The following RECK variants were observed in gnomAD, a reference collection of about 807,000 sequenced individuals.
RECK encodes reversion inducing cysteine rich protein with kazal motifs.
In RECK, 69 loss-of-function variants were observed where a neutral mutation model predicts 115.1. The observed-to-expected ratio is 0.60, with a 90% CI of 0.49 to 0.73. The LOEUF is 0.73. RECK is among the 30% of genes least tolerant of loss of function. The pLI, the probability that RECK is intolerant of heterozygous loss-of-function variation, is 0.00. For synonymous variants in RECK, 414 were observed against 419.7 expected (o/e 0.99, Z 0.17); for missense variants, 1,047 against 1,203.7 (o/e 0.87, Z 1.93).
At chr9:36,056,034 A>G (rs955440683) in intron 2 of RECK, among the ~76,000 whole-genome samples, 2 of 151,528 alleles carry the variant, frequency 1.3e-5, no homozygotes, top group Non-Finnish European at 2.9e-5. Context: ...ATAATAGAAA[A>G]TTTTAAGTAT....
chr9:36,118,972 G>T lies in RECK; in HGVS notation c.2464+5G>T. 1 of 1,611,534 alleles carries T rather than the reference G, an allele frequency of 6.2e-7. No homozygotes were observed. The highest frequency in any genetic ancestry group is 8.5e-7 in the Non-Finnish European group (1 of 1,179,370). On this transcript the variant is annotated splice_donor_5th_base_variant and intron_variant, in intron 18 of 20. Transcript: ENST00000377966. ...GCAAACCCATCATCCCACCGGGTAG[G>T]CTGGCAGTATCGGGGTGGACAGGGG...
chr9:36,116,956 G>T, intron 16 of RECK, 29 bp from the exon 17 acceptor site: 1 of 1,579,102 alleles, frequency 6.3e-7, no homozygotes, highest in Non-Finnish European at 8.6e-7. Flanking sequence ...CCCTACATTG[G>T]CTCATGGTGC....
At chr9:36,083,274 A>G in intron 7 of RECK, 91 bp from the exon 8 acceptor site, 1 of 1,328,518 alleles carries the variant, frequency 7.5e-7, no homozygotes, top group South Asian at 1.3e-5. Flanking sequence ...TCTCAAATTT[A>G]GAAAGACATA....
At chr9:36,097,393 C>G (rs1242076710) in intron 10 of RECK, among the ~76,000 whole-genome samples, 1 of 150,224 alleles carries the variant, frequency 6.7e-6, no homozygotes, top group African/African-American at 2.4e-5. Context: ...CGAAGAAGGA[C>G]ATCACAATGG....
At chr9:36,093,882 T>C (rs1436062769) in intron 10 of RECK, among the ~76,000 whole-genome samples, 1 of 152,074 alleles carries the variant, frequency 6.6e-6, no homozygotes, top group African/African-American at 2.4e-5. Flanking sequence ...TTACATATGA[T>C]GGAATAACAA....
intron 6 of RECK, among the ~76,000 whole-genome samples, chr9:36,080,030 C>T (rs1822621275): frequency 6.6e-6 from 1 of 152,076 alleles, no homozygotes; most frequent in African/African-American, 2.4e-5. Flanking sequence ...ATGATAGATT[C>T]CCAAACTCTG....
chr9:36,108,529 C>T (rs1216343539), intron 14 of RECK, among the ~76,000 whole-genome samples: 2 of 152,150 alleles, frequency 1.3e-5, no homozygotes, highest in Non-Finnish European at 2.9e-5. Flanking sequence ...AGAGTTCACC[C>T]AGCTAGTAAA....
intron 6 of RECK, among the ~76,000 whole-genome samples, chr9:36,072,107 GC>G (rs1279445458): frequency 3.9e-5 from 6 of 152,020 alleles, no homozygotes; most frequent in Non-Finnish European, 7.4e-5. Flanking sequence ...CCTTTGTTCT[GC>G]CCCTGGATGC....
intron 16 of RECK, 132 bp from the exon 17 acceptor site, chr9:36,116,853 T>TCCCA: frequency 1.5e-6 from 1 of 650,290 alleles, no homozygotes; most frequent in Non-Finnish European, 2.6e-6. Flanking sequence ...CTACATAAGC[T>TCCCA]CTTTGGAGAC....
intron 18 of RECK, among the ~76,000 whole-genome samples, chr9:36,120,234 C>CA (rs5897627): frequency 1.1e-3 from 152 of 139,772 alleles, no homozygotes; most frequent in Middle Eastern, 3.7e-3. Context: ...GACTCTGTCT[C>CA]AAAAAAAAAA....
At chr9:36,097,408 T>G (rs192244274) in intron 10 of RECK, among the ~76,000 whole-genome samples, 1 of 152,114 alleles carries the variant, frequency 6.6e-6, no homozygotes, top group Non-Finnish European at 1.5e-5. Context: ...CAATGGCCAT[T>G]TAATCAAGTA....
intron 6 of RECK, among the ~76,000 whole-genome samples, chr9:36,075,158 C>G (rs1448908215): frequency 6.6e-6 from 1 of 152,182 alleles, no homozygotes; most frequent in Non-Finnish European, 1.5e-5. Context: ...GTCCACTAGG[C>G]CAAAGCAAGG....
chr9:36,057,172 T>C (rs1486670320), intron 2 of RECK, among the ~76,000 whole-genome samples: 2 of 151,992 alleles, frequency 1.3e-5, no homozygotes, highest in Admixed American at 1.3e-4. Flanking sequence ...AAAAAAGCTT[T>C]GTTTCTATCT....
chr9:36,074,424 T>G (rs1822366203), intron 6 of RECK, among the ~76,000 whole-genome samples: 1 of 152,158 alleles, frequency 6.6e-6, no homozygotes, highest in African/African-American at 2.4e-5. Context: ...AAGCTCATAG[T>G]CCATGGGAAG....
intron 6 of RECK, among the ~76,000 whole-genome samples, chr9:36,067,040 A>G (rs192405181): frequency 6.6e-6 from 1 of 152,334 alleles, no homozygotes; most frequent in African/African-American, 2.4e-5. Context: ...TCTTCAATAT[A>G]AGACTCAATT....
At chr9:36,091,076 A>G in intron 9 of RECK, 88 bp from the exon 10 acceptor site, 2 of 1,250,372 alleles carry the variant, frequency 1.6e-6, no homozygotes, top group South Asian at 1.3e-5. Flanking sequence ...GTTCCAAAGT[A>G]TATAGTTCAT....
At chr9:36,061,850 TA>T (rs1821782437) in intron 4 of RECK, among the ~76,000 whole-genome samples, 1 of 152,260 alleles carries the variant, frequency 6.6e-6, no homozygotes, top group Non-Finnish European at 1.5e-5. Context: ...TGGGGTAGTT[TA>T]TTATATTTTG....
intron 6 of RECK, among the ~76,000 whole-genome samples, chr9:36,071,695 TAGTA>T (rs1307991547): frequency 1.3e-5 from 2 of 152,206 alleles, no homozygotes; most frequent in Non-Finnish European, 2.9e-5. Flanking sequence ...GAAGGAAAGT[TAGTA>T]GGGGGTATTT....
intron 17 of RECK, among the ~76,000 whole-genome samples, chr9:36,118,434 G>A (rs1377882678): frequency 6.7e-6 from 1 of 150,000 alleles, no homozygotes; most frequent in African/African-American, 2.5e-5. Flanking sequence ...GGCGCTTCTG[G>A]GATACTAACA....
Sources: gnomAD v4.1 joint callset for allele counts (sites outside exome capture counted in the v4.1 genomes callset) on GRCh38, gnomAD v4.1.1 for gene constraint, MANE v1.5 for transcripts, NCBI Gene and HGNC (gene_info 2026-07-23, HGNC 2026-07-21) for gene names.